CSF2RA: variants seen among roughly 807,000 people sequenced by gnomAD.
CSF2RA encodes granulocyte-macrophage colony-stimulating factor receptor subunit alpha.
In CSF2RA, 42 loss-of-function variants were observed where a neutral mutation model predicts 51.6. That is an observed-to-expected ratio of 0.81 (90% CI 0.64 to 1.05). The LOEUF (loss-of-function observed/expected upper bound fraction) is 1.05. Among genes scored for constraint, CSF2RA ranks in the 50% least tolerant of loss-of-function variants. CSF2RA has a pLI of 0.00. For missense variants in CSF2RA, 530 were observed against 501.1 expected (o/e 1.06, Z -0.55); for synonymous variants, 222 against 193.0 (o/e 1.15, Z -1.24).
chrX:1,314,306 T>C (rs1193193688), downstream of CSF2RA, among the ~76,000 whole-genome samples: 14,386 of 27,834 alleles, frequency 0.52, 4,512 homozygotes, highest in East Asian at 0.66. Context: ...AACCACTCTG[T>C]GCCTGCCCAA....
intron 11 of CSF2RA, 105 bp from the exon 12 acceptor site, chrX:1,305,341 G>C: frequency 7.9e-7 from 1 of 1,265,100 alleles, no homozygotes; most frequent in Non-Finnish European, 1.2e-6. Flanking sequence ...TTGCATAGTT[G>C]AGCGCAGACA....
At chrX:1,314,860 C>T (rs1226300952), downstream of CSF2RA, among the ~76,000 whole-genome samples, 2 of 103,992 alleles carry the variant, frequency 1.9e-5, no homozygotes, top group Admixed American at 9.8e-5. Flanking sequence ...CCCACTGCAC[C>T]TGCCCAACCG....
the CSF2RA span, among the ~76,000 whole-genome samples, chrX:1,317,107 C>T: frequency 3.3e-5 from 5 of 151,684 alleles, no homozygotes; most frequent in East Asian, 1.9e-4. Context: ...CCACCATGCC[C>T]GGCTAATTTT....
At chrX:1,322,411 C>A in the CSF2RA span, among the ~76,000 whole-genome samples, 4 of 149,978 alleles carry the variant, frequency 2.7e-5, no homozygotes, top group Non-Finnish European at 5.9e-5. Flanking sequence ...CACACCTGGC[C>A]CACTTACCAT....
At chrX:1,302,042 G>A (rs1384177441) in intron 10 of CSF2RA, among the ~76,000 whole-genome samples, 2 of 150,538 alleles carry the variant, frequency 1.3e-5, no homozygotes, top group East Asian at 3.9e-4. Flanking sequence ...TCAGTCTCCC[G>A]AGTAGCTGGG....
chrX:1,324,458 AAG>A, the CSF2RA span, among the ~76,000 whole-genome samples: 4 of 102,302 alleles, frequency 3.9e-5, no homozygotes, highest in African/African-American at 8.8e-5. Context: ...AAGAAAAAGA[AAG>A]AGAAAGGGCA....
At chrX:1,309,139 A>AG (rs1364546310) in intron 12 of CSF2RA, among the ~76,000 whole-genome samples, 1 of 152,036 alleles carries the variant, frequency 6.6e-6, no homozygotes, top group African/African-American at 2.4e-5. Flanking sequence ...GAAGGTCTAA[A>AG]GGGGGAAGAG....
At chrX:1,314,450 T>TGCACC (rs2084378184), downstream of CSF2RA, among the ~76,000 whole-genome samples, 2 of 26,668 alleles carry the variant, frequency 7.5e-5, no homozygotes, top group African/African-American at 2.0e-4. Flanking sequence ...ACTTGCCCAA[T>TGCACC]TGCACTGCAC....
intron 6 of CSF2RA, 61 bp downstream of exon 6, chrX:1,288,949 C>A: frequency 7.5e-6 from 12 of 1,602,954 alleles, no homozygotes; most frequent in Non-Finnish European, 1.0e-5. Flanking sequence ...AAAAATCATG[C>A]TGGTTTTCTT....
At position 1,288,599 on chromosome X, in the gene CSF2RA, T is replaced by C. The variant is rs144521208; in HGVS notation, c.300T>C (p.Thr100=). ...EGVTFEVHVN[T]SQRGFQQKLL... ...TCACATTTGAGGTTCACGTGAATACTAGTCAAAGAGGATTTCAACAGAAAC... is the reference window on the plus strand; with the variant it reads ...TCACATTTGAGGTTCACGTGAATACCAGTCAAAGAGGATTTCAACAGAAAC... Residue 100 remains threonine, a synonymous_variant, in exon 5 of 13, where the codon ACT becomes ACC. Transcript: ENST00000381529. 1,014 of 1,613,988 alleles carry C rather than the reference T, an allele frequency of 6.3e-4. 3 individuals carry two copies. The African/African-American group carries it at 0.011, about 17-fold the overall frequency.
downstream of CSF2RA, among the ~76,000 whole-genome samples, chrX:1,314,794 C>A (rs75785450): frequency 1.8e-5 from 1 of 56,568 alleles, no homozygotes; most frequent in Non-Finnish European, 3.2e-5. Context: ...CTGCCCAATC[C>A]CACTGCACCT....
At chrX:1,303,624 T>C (rs1349874045) in intron 10 of CSF2RA, among the ~76,000 whole-genome samples, 1 of 151,732 alleles carries the variant, frequency 6.6e-6, no homozygotes, top group African/African-American at 2.4e-5. Context: ...GATCCTCCCG[T>C]GTCGGCCTCC....
chrX:1,306,151 G>A, intron 12 of CSF2RA, among the ~76,000 whole-genome samples: 1 of 151,944 alleles, frequency 6.6e-6, no homozygotes, highest in East Asian at 1.9e-4. Context: ...AAAGATGGAG[G>A]GAGAGAGATG....
Position 1,309,473 on chromosome X carries a change from T to C in CSF2RA, c.1197T>C (p.Ile399=), listed in dbSNP as rs1293640619. ...AAGAGGTCTTGACCGTGAAGGAAATTACCTGAGACCCAGAGGGTGTAGGAA... is the reference window on the plus strand; with the variant it reads ...AAGAGGTCTTGACCGTGAAGGAAATCACCTGAGACCCAGAGGGTGTAGGAA... The part of the protein sequence containing the change: ...YREEVLTVKE[I]T The change falls in exon 13 of 13, where the codon ATT becomes ATC. Residue 399 remains isoleucine, a synonymous_variant. Coordinates refer to ENST00000381529, the MANE Select transcript of CSF2RA (RefSeq NM_172245.4). 5.6e-6 allele frequency: 9 copies of C among 1,613,824 alleles called. No individual in the cohort carries two copies. Among genetic ancestry groups the C allele is most frequent in the Non-Finnish European group, 7.6e-6 (9 of 1,179,852 alleles).
At chrX:1,322,321 C>G in the CSF2RA span, among the ~76,000 whole-genome samples, 1 of 150,594 alleles carries the variant, frequency 6.6e-6, no homozygotes, top group East Asian at 1.9e-4. Context: ...ACCGTGTTAG[C>G]CAGGATGCTC....
downstream of CSF2RA, among the ~76,000 whole-genome samples, chrX:1,311,880 G>C (rs1349218259): frequency 2.0e-5 from 3 of 152,142 alleles, no homozygotes; most frequent in African/African-American, 7.2e-5. Context: ...ATTGGTGGTT[G>C]CTGTCACTCA....
intron 2 of CSF2RA, among the ~76,000 whole-genome samples, chrX:1,278,143 C>T (rs1215724577): frequency 4.9e-5 from 7 of 141,814 alleles, no homozygotes; most frequent in African/African-American, 7.9e-5. Flanking sequence ...AGACCAGCCT[C>T]GCCAACATGG....
intron 10 of CSF2RA, among the ~76,000 whole-genome samples, chrX:1,301,901 C>T (rs780617390): frequency 1.4e-4 from 20 of 147,352 alleles, no homozygotes; most frequent in African/African-American, 4.3e-4. Context: ...CCACCGTGCC[C>T]GGCCCTCCCT....
intron 2 of CSF2RA, among the ~76,000 whole-genome samples, chrX:1,275,386 G>A (rs1192403683): frequency 2.6e-5 from 4 of 151,560 alleles, no homozygotes; most frequent in Non-Finnish European, 4.4e-5. Flanking sequence ...GCGACAGTCC[G>A]TCCCAAACAC....
Sources: allele counts gnomAD v4.1 joint callset (sites outside exome capture counted in the v4.1 genomes callset), GRCh38; gene constraint gnomAD v4.1.1; transcripts MANE v1.5; gene names NCBI Gene and HGNC (gene_info 2026-07-23, HGNC 2026-07-21).